SPART: variants seen among roughly 807,000 people sequenced by gnomAD.
SPART encodes the protein spartin, also known as spastic paraplegia 20 (Troyer syndrome).
A neutral mutation model predicts 58.7 loss-of-function variants in SPART; 35 were observed. That is an observed-to-expected ratio of 0.60 (90% CI 0.46 to 0.79). The LOEUF (loss-of-function observed/expected upper bound fraction) is 0.79, where lower values mean the gene tolerates loss of function less well. SPART is among the 30% of genes least tolerant of loss of function. The pLI, the probability that SPART is intolerant of heterozygous loss-of-function variation, is 0.00. For missense variants in SPART, 730 were observed against 786.1 expected (o/e 0.93, Z 0.85); for synonymous variants, 284 against 280.7 (o/e 1.01, Z -0.12).
chr13:36,320,022 C>G (rs942312324), intron 5 of SPART, among the ~76,000 whole-genome samples: 89 of 152,304 alleles, frequency 5.8e-4, no homozygotes, highest in African/African-American at 2.0e-3. Flanking sequence ...GAGCCAGGAC[C>G]ACATCCTGTA....
chr13:36,331,567 AG>A lies in SPART; in HGVS notation c.839del (p.Pro280LeufsTer7). On this transcript the variant is annotated frameshift_variant, in exon 3 of 9. Transcript: ENST00000438666. LOFTEE classifies it high-confidence loss of function. ...TACATTTCAGAACCGGAGATCTATC[AG>A]GAACTAGAGGATATAACCAGTCACA... ...QVCDWLYPLV[P>X]DRSPVLKCTA... is the part of the protein sequence containing the mutation. The A allele has an allele frequency of 6.2e-7, 1 of 1,614,118 alleles. No homozygotes were observed. The highest frequency in any genetic ancestry group is 8.5e-7 in the Non-Finnish European group (1 of 1,179,980).
chr13:36,356,221 T>G (rs1318407982), intron 1 of SPART, among the ~76,000 whole-genome samples: 1 of 152,230 alleles, frequency 6.6e-6, no homozygotes, highest in East Asian at 1.9e-4. Context: ...TAATCTTTAC[T>G]GAATAAATAC....
chr13:36,301,951 A>C lies in SPART; in HGVS notation c.*2414T>G, dbSNP rs1422881814. ...TAGAGCAAGTAAACCATCCATGCATATAAGCGCAAGAATGAATTTTAAACA... is the reference window on the plus strand; with the variant it reads ...TAGAGCAAGTAAACCATCCATGCATCTAAGCGCAAGAATGAATTTTAAACA... On this transcript the variant is annotated 3_prime_UTR_variant, in exon 9 of 9. Coordinates refer to ENST00000438666, the MANE Select transcript of SPART (RefSeq NM_015087.5). 1 of 152,236 alleles carries C rather than the reference A, an allele frequency of 6.6e-6. No individual in the cohort carries two copies. Among genetic ancestry groups the C allele is most frequent in the Non-Finnish European group, 1.5e-5 (1 of 68,048 alleles). 9.4% of individuals were successfully genotyped at this position (152,236 alleles called of 1,614,324 possible).
At chr13:36,325,587 T>C (rs187710149) in intron 5 of SPART, among the ~76,000 whole-genome samples, 3 of 152,266 alleles carry the variant, frequency 2.0e-5, no homozygotes, top group African/African-American at 7.2e-5. Flanking sequence ...ACTGGCAATA[T>C]TTTTTAAAAA....
chr13:36,327,016 C>G (rs970475093), intron 4 of SPART, among the ~76,000 whole-genome samples: 1 of 151,988 alleles, frequency 6.6e-6, no homozygotes, highest in African/African-American at 2.4e-5. Context: ...CAGATATCAT[C>G]CCTAGATATT....
At chr13:36,320,698 T>C (rs1257972941) in intron 5 of SPART, among the ~76,000 whole-genome samples, 14 of 152,158 alleles carry the variant, frequency 9.2e-5, no homozygotes, top group Admixed American at 7.2e-4. Flanking sequence ...CCGAGTCAGA[T>C]AACTAAAATA....
At chr13:36,347,542 C>T (rs1354909830), upstream of SPART, among the ~76,000 whole-genome samples, 1 of 152,128 alleles carries the variant, frequency 6.6e-6, no homozygotes, top group Non-Finnish European at 1.5e-5. Context: ...CGTGAGTCAC[C>T]GCGCCTGGCC....
intron 5 of SPART, among the ~76,000 whole-genome samples, chr13:36,317,590 T>G (rs146806169): frequency 6.9e-6 from 1 of 145,952 alleles, no homozygotes; most frequent in African/African-American, 2.6e-5. Context: ...TTCCACGCCC[T>G]GACCTCTTAT....
chr13:36,366,705 C>A (rs948116154), intron 1 of SPART, among the ~76,000 whole-genome samples: 3 of 152,112 alleles, frequency 2.0e-5, no homozygotes, highest in Non-Finnish European at 4.4e-5. Flanking sequence ...TGTCTCTGTA[C>A]GGGGGAATTT....
intron 1 of SPART, among the ~76,000 whole-genome samples, chr13:36,363,622 T>A (rs1346976728): frequency 3.9e-5 from 6 of 152,184 alleles, no homozygotes; most frequent in African/African-American, 1.4e-4. Flanking sequence ...TAGCCTGAAA[T>A]TAGATTACTG....
At chr13:36,305,385 A>G (rs1880418632) in intron 8 of SPART, among the ~76,000 whole-genome samples, 1 of 152,106 alleles carries the variant, frequency 6.6e-6, no homozygotes, top group Non-Finnish European at 1.5e-5. Flanking sequence ...TCTACATACT[A>G]TAGAACTTAT....
In SPART at chr13:36,335,555, C is replaced by T; in HGVS notation, c.276G>A (p.Leu92=). Residue 92 remains leucine (L), a synonymous_variant, in exon 2 of 9, where the codon CTG becomes CTA. Transcript: ENST00000438666. ...KETLQNVRTR[L]EILEKGLATS... ...TGGCAAGACCCTTCTCTAGAATTTC[C>T]AGCCTGGTGCGTACATTCTGTAGAG... is the stretch of plus-strand genomic sequence containing the variant. The T allele has an allele frequency of 3.7e-6, 6 of 1,614,132 alleles. No individual in the cohort carries two copies. The highest frequency in any genetic ancestry group is 2.2e-5 in the South Asian group (2 of 91,082).
At position 36,346,270 on chromosome 13, in the gene SPART, C is replaced by T; in HGVS notation, c.-48G>A. ...GCGCCCCGGCGTTGCCTCGAGAGCT[C>T]CCTGCGCGGCCGCCGCGGCACGGAC... On this transcript the variant is annotated 5_prime_UTR_variant, in exon 1 of 9. Transcript: ENST00000438666. 6.6e-6 allele frequency: 1 copy of T among 152,106 alleles called. No individual in the cohort carries two copies. Among genetic ancestry groups the T allele is most frequent in the Admixed American group, 6.6e-5 (1 of 15,266 alleles). 9.4% of individuals were successfully genotyped at this position (152,106 alleles called of 1,614,324 possible). A position where few individuals can be genotyped will look rare whatever the true frequency, so the allele number is the denominator to read the frequency against.
chr13:36,347,674 C>G (rs1044416172), upstream of SPART, among the ~76,000 whole-genome samples: 1 of 152,122 alleles, frequency 6.6e-6, no homozygotes, highest in African/African-American at 2.4e-5. Context: ...TCTTATACCC[C>G]CAAAGGAGTC....
chr13:36,304,239 G>C lies in SPART; in HGVS notation c.*126C>G. ...AAGACATGCCATAAAATTTATGAAA[G>C]TTAATTTGTAGGAATGAATACATTT... On this transcript the variant is annotated 3_prime_UTR_variant, in exon 9 of 9. Transcript: ENST00000438666. 1 of 1,160,998 alleles carries C rather than the reference G, an allele frequency of 8.6e-7. No individual in the cohort carries two copies. Among genetic ancestry groups the C allele is most frequent in the South Asian group, 1.4e-5 (1 of 74,022 alleles). The allele number at this position is 1,160,998 out of a possible 1,614,324, so 71.9% of individuals were successfully genotyped here. A position where few individuals can be genotyped will look rare whatever the true frequency, so the allele number is the denominator to read the frequency against.
intron 1 of SPART, among the ~76,000 whole-genome samples, chr13:36,367,538 C>G (rs1886109734): frequency 6.6e-6 from 1 of 152,240 alleles, no homozygotes; most frequent in Non-Finnish European, 1.5e-5. Flanking sequence ...TGTCTGTGTA[C>G]AGGGGAGCTT....
At chr13:36,349,130 G>A (rs1460674343), upstream of SPART, among the ~76,000 whole-genome samples, 6 of 152,124 alleles carry the variant, frequency 3.9e-5, no homozygotes, top group African/African-American at 7.2e-5. Context: ...GGGCGTGGTG[G>A]CGCATGCCTG....
intron 6 of SPART, among the ~76,000 whole-genome samples, chr13:36,313,301 C>A (rs894825491): frequency 9.9e-5 from 15 of 152,196 alleles, no homozygotes; most frequent in Admixed American, 9.8e-4. Context: ...ATGGTTTGGT[C>A]ATTTCAGACA....
chr13:36,304,551 G>T lies in SPART; in HGVS notation c.1815C>A (p.Asn605Lys). Reference protein sequence around the residue: ...VNVGVTAYNINNIGIKAMVKK... With the variant: ...VNVGVTAYNIKNIGIKAMVKK... ...TCACCATTGCTTTGATACCAATGTT[G>T]TTAATATTGTAGGCAGTTACGCCAA... Residue 605 changes from asparagine (N) to lysine (K), a missense_variant, in exon 9 of 9, where the codon AAC (asparagine) becomes AAA (lysine). Coordinates refer to ENST00000438666, the MANE Select transcript of SPART (RefSeq NM_015087.5). The T allele has an allele frequency of 6.2e-7, 1 of 1,614,090 alleles. No individual in the cohort carries two copies. Among genetic ancestry groups the T allele is most frequent in the Non-Finnish European group, 8.5e-7 (1 of 1,180,004 alleles).
Sources: allele counts gnomAD v4.1 joint callset (sites outside exome capture counted in the v4.1 genomes callset), GRCh38; gene constraint gnomAD v4.1.1; transcripts MANE v1.5; gene names NCBI Gene and HGNC (gene_info 2026-07-23, HGNC 2026-07-21).